The following ASAP1 variants were observed in gnomAD, a reference collection of about 807,000 sequenced individuals.
ASAP1 encodes the protein arf-GAP with SH3 domain, ANK repeat and PH domain-containing protein 1.
In ASAP1, 43 loss-of-function variants were observed where a neutral mutation model predicts 145.2. The ratio of observed to expected loss-of-function variants is 0.30; its 90% CI spans 0.23 to 0.38. The LOEUF is 0.38. Ranked by LOEUF, ASAP1 falls within the 10% of genes least tolerant of loss-of-function variation. ASAP1 has a pLI of 1.00. For missense variants in ASAP1, 1,018 were observed against 1,355.3 expected, an observed-to-expected ratio of 0.75 and a Z score of 3.91; for synonymous variants, 546 against 515.5, an observed-to-expected ratio of 1.06 and a Z score of -0.80.
rs1251399263 is a variant in ASAP1 at position 130,358,522 on chromosome 8, G to A, written c.60-379C>T. ...TCCGGCCGGCCGCTGGGGCGTGCGC[G>A]GGCTGGGCGGCTGGGGCGCCCGGCG... On this transcript the variant is annotated intron_variant, in intron 2 of 29. Transcript: ENST00000518721. This position sits in a 1 kb window ranked among gnomAD's most constrained non-coding sequence, Gnocchi z 4.1. 6.8e-6 allele frequency among the ~76,000 whole-genome samples: 1 copy of A among 147,828 alleles called. No homozygotes were observed. Among genetic ancestry groups the A allele is most frequent in the Non-Finnish European group, 1.5e-5 (1 of 66,300 alleles).
intron 2 of ASAP1, among the ~76,000 whole-genome samples, chr8:130,395,249 T>C (rs1323323668): frequency 6.6e-6 from 1 of 152,246 alleles, no homozygotes; most frequent in Non-Finnish European, 1.5e-5. Flanking sequence ...AGGCCCACCA[T>C]GCACCAGGTA....
chr8:130,419,174 C>A (rs944319328), intron 1 of ASAP1, among the ~76,000 whole-genome samples: 7 of 152,188 alleles, frequency 4.6e-5, no homozygotes, highest in Admixed American at 2.0e-4. Context: ...TCCAAGGACT[C>A]CCCAAGGACA....
chr8:130,261,838 C>T (rs1819919055), intron 3 of ASAP1, among the ~76,000 whole-genome samples: 1 of 151,964 alleles, frequency 6.6e-6, no homozygotes, highest in Non-Finnish European at 1.5e-5. Context: ...CCCTCCCTCC[C>T]TATGTTAGTT....
chr8:130,387,649 T>A (rs561601619), intron 2 of ASAP1, among the ~76,000 whole-genome samples: 3 of 138,412 alleles, frequency 2.2e-5, no homozygotes, highest in Admixed American at 7.5e-5. Context: ...AGAGCGAGAC[T>A]CCATCTCAGA....
chr8:130,423,141 T>C (rs1050810471), intron 1 of ASAP1, among the ~76,000 whole-genome samples: 45 of 152,146 alleles, frequency 3.0e-4, no homozygotes, highest in Non-Finnish European at 1.6e-4. Context: ...TCTCGCTCTG[T>C]CACCCAGGCT....
chr8:130,366,708 A>G (rs1213576916), intron 2 of ASAP1, among the ~76,000 whole-genome samples: 1 of 152,012 alleles, frequency 6.6e-6, no homozygotes, highest in Admixed American at 6.6e-5. Context: ...TTTAATTTAA[A>G]TTACTTTATT....
chr8:130,172,142 G>GC (rs1813633931), intron 9 of ASAP1, among the ~76,000 whole-genome samples: 1 of 152,184 alleles, frequency 6.6e-6, no homozygotes, highest in Non-Finnish European at 1.5e-5. Context: ...AAACTACCCA[G>GC]CAAAGTGTGG....
intron 24 of ASAP1, among the ~76,000 whole-genome samples, chr8:130,105,574 T>C (rs1185948336): frequency 6.6e-6 from 1 of 152,230 alleles, no homozygotes; most frequent in African/African-American, 2.4e-5. Context: ...CTTGAACTTA[T>C]TCCTCCTAAC....
chr8:130,277,099 GC>G (rs1191291976), intron 3 of ASAP1, among the ~76,000 whole-genome samples: 1 of 152,030 alleles, frequency 6.6e-6, no homozygotes, highest in Admixed American at 6.6e-5. Context: ...GGCACCGAGG[GC>G]CCCCCATCCC....
intron 11 of ASAP1, chr8:130,160,835 A>C: frequency 7.9e-7 from 1 of 1,264,858 alleles, no homozygotes; most frequent in South Asian, 1.3e-5. Flanking sequence ...AAAAAGGCAG[A>C]ACATTTGAAA....
At chr8:130,138,241 T>C (rs1434872803) in intron 13 of ASAP1, among the ~76,000 whole-genome samples, 1 of 152,198 alleles carries the variant, frequency 6.6e-6, no homozygotes, top group Non-Finnish European at 1.5e-5. Context: ...CTGTGCTCTC[T>C]GGACCATTTT....
intron 3 of ASAP1, among the ~76,000 whole-genome samples, chr8:130,323,469 G>A (rs1250412479): frequency 4.6e-5 from 7 of 152,222 alleles, no homozygotes; most frequent in Admixed American, 4.6e-4. Context: ...ACAAATATAA[G>A]TAATTTCAAG....
chr8:130,321,969 A>G (rs937454712), intron 3 of ASAP1, among the ~76,000 whole-genome samples: 2 of 152,232 alleles, frequency 1.3e-5, no homozygotes, highest in African/African-American at 4.8e-5. Context: ...CTAAATCTCA[A>G]TCTGACTTCT....
chr8:130,344,314 G>A (rs190871706), intron 3 of ASAP1, among the ~76,000 whole-genome samples: 2 of 151,998 alleles, frequency 1.3e-5, no homozygotes, highest in East Asian at 1.9e-4. Flanking sequence ...TTTGAACAGC[G>A]ACTGAATATT....
At chr8:130,411,308 A>G (rs1586996652) in intron 1 of ASAP1, among the ~76,000 whole-genome samples, 1 of 152,348 alleles carries the variant, frequency 6.6e-6, no homozygotes, top group South Asian at 2.1e-4. Flanking sequence ...GCTCTCAGCC[A>G]CCAAGGCACA....
In ASAP1 at chr8:130,059,908, T is replaced by C. The variant is rs576719700; in HGVS notation, c.3192+671A>G. On this transcript the variant is annotated intron_variant, in intron 28 of 29. Coordinates refer to ENST00000518721, the MANE Select transcript of ASAP1 (RefSeq NM_018482.4). ...GCCTGGGCAACATGGCAAAACCCCA[T>C]CTCTACCAAAAATATTAAAAAAAAG... Among the ~76,000 whole-genome samples, 19 of 151,008 alleles carry C rather than the reference T, an allele frequency of 1.3e-4. No homozygotes were observed. In the East Asian group the frequency reaches 3.1e-3, roughly 25 times the overall value.
rs1565149009 is a variant in ASAP1, at chr8:130,262,444, GA to G, written c.187-25451del. ...AGAGAGAGAGAGAGAGAGAGAGAGA[GA>G]GAGAGAGAGAGAACCTGTGGAATTT... On this transcript the variant is annotated intron_variant, in intron 3 of 29. Transcript: ENST00000518721. Among the ~76,000 whole-genome samples the G allele has an allele frequency of 3.7e-3, 485 of 129,524 alleles. 12 individuals carry two copies. Among genetic ancestry groups the G allele is most frequent in the East Asian group, 5.5e-3 (22 of 4,004 alleles). The allele number at this position is 129,524 out of a possible 152,430, so 85.0% of individuals were successfully genotyped here. A position where few individuals can be genotyped will look rare whatever the true frequency, so the allele number is the denominator to read the frequency against.
At chr8:130,080,483 T>C in intron 25 of ASAP1, among the ~76,000 whole-genome samples, 1 of 150,930 alleles carries the variant, frequency 6.6e-6, no homozygotes, top group Non-Finnish European at 1.5e-5. Flanking sequence ...TCTCTCTTTT[T>C]TTTTTTTTTT....
At chr8:130,385,854 G>A (rs1280396537) in intron 2 of ASAP1, among the ~76,000 whole-genome samples, 1 of 152,204 alleles carries the variant, frequency 6.6e-6, no homozygotes, top group Admixed American at 6.5e-5. Flanking sequence ...GCCGGTGAAT[G>A]CATTTCAAAT....
Sources: gnomAD v4.1 joint callset for allele counts (sites outside exome capture counted in the v4.1 genomes callset) on GRCh38, gnomAD v4.1.1 for gene constraint, Gnocchi (gnomAD v3.1) non-coding constraint, MANE v1.5 for transcripts, NCBI Gene and HGNC (gene_info 2026-07-23, HGNC 2026-07-21) for gene names.